OTOGL: variants seen among roughly 807,000 people sequenced by gnomAD.
OTOGL encodes the protein otogelin like, also known as otogelin-like protein.
In OTOGL, 285 loss-of-function variants were observed where a neutral mutation model predicts 318.5. The ratio of observed to expected loss-of-function variants is 0.89; its 90% CI spans 0.81 to 0.99. The LOEUF is 0.99. Among genes scored for constraint, OTOGL ranks in the 50% least tolerant of loss-of-function variants. The probability of loss-of-function intolerance (pLI) is 0.00; values close to 1 mark genes in which losing one functional copy is unlikely to be tolerated. For missense variants in OTOGL, 2,899 were observed against 2,845.6 expected (o/e 1.02, Z -0.43); for synonymous variants, 987 against 936.5 (o/e 1.05, Z -0.99).
intron 1 of OTOGL, among the ~76,000 whole-genome samples, chr12:80,198,737 A>G (rs1410885372): frequency 6.6e-6 from 1 of 152,206 alleles, no homozygotes; most frequent in Non-Finnish European, 1.5e-5. Context: ...TAGTTGTGCC[A>G]GAAAACATTA....
At chr12:80,322,456 A>G (rs891026107) in intron 34 of OTOGL, among the ~76,000 whole-genome samples, 2 of 152,176 alleles carry the variant, frequency 1.3e-5, no homozygotes, top group Non-Finnish European at 2.9e-5. Context: ...GTAGTCTTGG[A>G]ACCAGTCCTC....
At chr12:80,168,280 A>G (rs1363210895) in intron 1 of OTOGL, among the ~76,000 whole-genome samples, 1 of 152,060 alleles carries the variant, frequency 6.6e-6, no homozygotes, top group Admixed American at 6.6e-5. Context: ...TTCCTCCACT[A>G]CAAAATGCTC....
chr12:80,308,905 G>A (rs925307606), intron 29 of OTOGL, among the ~76,000 whole-genome samples: 115 of 152,202 alleles, frequency 7.6e-4, no homozygotes, highest in African/African-American at 2.6e-3. Context: ...GCAGTGAGCC[G>A]AGATGGCAGC....
At chr12:80,185,371 C>A (rs1294712127) in intron 1 of OTOGL, among the ~76,000 whole-genome samples, 1 of 152,168 alleles carries the variant, frequency 6.6e-6, no homozygotes, top group Non-Finnish European at 1.5e-5. Context: ...CAACCTCTGC[C>A]TCCTGGGTTC....
chr12:80,310,848 T>A (rs1156300684), intron 30 of OTOGL, 121 bp downstream of exon 30: 1 of 691,978 alleles, frequency 1.4e-6, no homozygotes, highest in Non-Finnish European at 2.3e-6. Flanking sequence ...CACCTAACTA[T>A]TGTTAGGGGG....
At position 80,279,098 on chromosome 12, in the gene OTOGL, C is replaced by T. The variant is rs572666403; in HGVS notation, c.2860C>T (p.Arg954Ter). 102 of 1,594,030 alleles carry T rather than the reference C, an allele frequency of 6.4e-5. 1 individual carries two copies. The highest frequency in any genetic ancestry group is 4.0e-4 in the East Asian group (18 of 44,778). ...AGCAGTGTGCACAATATACGGGGACCGACATTATTATTCTTTTGATGGACT... is the reference window on the plus strand; with the variant it reads ...AGCAGTGTGCACAATATACGGGGACTGACATTATTATTCTTTTGATGGACT... Reference protein sequence around the residue: ...CPAVCTIYGDRHYYSFDGLEY... With the variant: ...CPAVCTIYGD The change falls in exon 26 of 59, where the codon CGA (arginine) becomes TGA (stop). Residue 954 changes from arginine (R) to a stop codon, truncating the protein, a stop_gained. Transcript: ENST00000547103. LOFTEE classifies it high-confidence loss of function.
chr12:80,197,150 A>G (rs538409574), intron 1 of OTOGL, among the ~76,000 whole-genome samples: 2 of 152,300 alleles, frequency 1.3e-5, no homozygotes, highest in African/African-American at 4.8e-5. Context: ...AAATCTACCT[A>G]TAACTTGGTA....
chr12:80,108,602 A>G (rs1489183776), intron 1 of OTOGL, among the ~76,000 whole-genome samples: 1 of 151,394 alleles, frequency 6.6e-6, no homozygotes, highest in Non-Finnish European at 1.5e-5. Context: ...TTTTCACCCA[A>G]TGCTTTTAGC....
intron 11 of OTOGL, among the ~76,000 whole-genome samples, chr12:80,244,249 T>C (rs1297031439): frequency 3.3e-5 from 5 of 151,118 alleles, no homozygotes; most frequent in Non-Finnish European, 5.9e-5. Flanking sequence ...ATACATGTGC[T>C]GTGCTGGTGC....
intron 18 of OTOGL, among the ~76,000 whole-genome samples, chr12:80,261,415 T>G (rs1435096406): frequency 5.9e-5 from 9 of 152,168 alleles, no homozygotes. Flanking sequence ...TCATTTGGTT[T>G]GCCCACTTCA....
At chr12:80,202,632 A>G (rs1876541364) in intron 1 of OTOGL, among the ~76,000 whole-genome samples, 2 of 152,050 alleles carry the variant, frequency 1.3e-5, no homozygotes, top group African/African-American at 2.4e-5. Context: ...TTTTGCATGT[A>G]TGCATTCCAA....
At chr12:80,232,354 G>A (rs1422762109) in intron 8 of OTOGL, among the ~76,000 whole-genome samples, 1 of 152,026 alleles carries the variant, frequency 6.6e-6, no homozygotes, top group Non-Finnish European at 1.5e-5. Flanking sequence ...AATGACTTAT[G>A]TCAAGGTGTC....
rs1454025479 is a variant in OTOGL at position 80,232,992 on chromosome 12, A to C, written c.712A>C (p.Ile238Leu). Residue 238 changes from isoleucine (I) to leucine (L), a missense_variant, in exon 9 of 59, where the codon ATA (isoleucine) becomes CTA (leucine). Physicochemically the swap from Ile to Leu is conservative, Grantham distance 5. Around this residue, in one of 3 missense-constraint regions of OTOGL, gnomAD observed 2,607 missense variants for 2,524.9 expected, o/e 1.03. Coordinates refer to ENST00000547103, the MANE Select transcript of OTOGL (RefSeq NM_001378609.3). ...TGGCTTTTCATTGGCTTGGGACGGGATATCTGGGATCTACCTCAAGCTGTC... is the reference window on the plus strand; with the variant it reads ...TGGCTTTTCATTGGCTTGGGACGGGCTATCTGGGATCTACCTCAAGCTGTC... ...TFGFSLAWDG[I>L]SGIYLKLSED... 1 of 1,598,580 alleles carries C rather than the reference A, an allele frequency of 6.3e-7. No individual in the cohort carries two copies. The highest frequency in any genetic ancestry group is 1.3e-5 in the African/African-American group (1 of 74,882).
chr12:80,113,331 T>C lies in OTOGL; in HGVS notation c.-20+13726T>C, dbSNP rs531730447. 5.3e-5 allele frequency among the ~76,000 whole-genome samples: 8 copies of C among 152,332 alleles called. No individual in the cohort carries two copies. In the East Asian group the frequency reaches 1.5e-3, roughly 29 times the overall value. On this transcript the variant is annotated intron_variant, in intron 1 of 58. Coordinates refer to ENST00000547103, the MANE Select transcript of OTOGL (RefSeq NM_001378609.3). ...TTTGCTCTTGCTTCTTTAGTTCTTTTAATTATGATGTTAGGGTGTCAATTT... is the reference window on the plus strand; with the variant it reads ...TTTGCTCTTGCTTCTTTAGTTCTTTCAATTATGATGTTAGGGTGTCAATTT...
At chr12:80,123,686 C>T (rs10862057) in intron 1 of OTOGL, among the ~76,000 whole-genome samples, 75,559 of 150,860 alleles carry the variant, frequency 0.5, 19,330 homozygotes, top group Middle Eastern at 0.58. Flanking sequence ...TCTCCACATC[C>T]TCTCCAGCAC....
intron 9 of OTOGL, among the ~76,000 whole-genome samples, chr12:80,233,519 A>C (rs1452959661): frequency 6.6e-6 from 1 of 152,224 alleles, no homozygotes; most frequent in Non-Finnish European, 1.5e-5. Context: ...CCTTCTTGAT[A>C]GGAATAAGTT....
intron 1 of OTOGL, chr12:80,189,595 T>G: frequency 1.9e-6 from 1 of 526,482 alleles, no homozygotes; most frequent in African/African-American, 2.1e-5. Context: ...AGAGATAGAT[T>G]GCAAAACTCA....
chr12:80,333,941 G>C (rs1456077937), intron 38 of OTOGL, among the ~76,000 whole-genome samples: 1 of 152,154 alleles, frequency 6.6e-6, no homozygotes, highest in East Asian at 1.9e-4. Flanking sequence ...GAATAAAATA[G>C]TAGACAATAA....
At chr12:80,309,608 A>C (rs1886494228) in intron 29 of OTOGL, among the ~76,000 whole-genome samples, 1 of 152,250 alleles carries the variant, frequency 6.6e-6, no homozygotes, top group Non-Finnish European at 1.5e-5. Context: ...AGAAATATTA[A>C]GTCAGTAGAG....
Sources: allele counts gnomAD v4.1 joint callset (sites outside exome capture counted in the v4.1 genomes callset), GRCh38; gene constraint gnomAD v4.1.1; regional missense constraint gnomAD v4.1.1; transcripts MANE v1.5; gene names NCBI Gene and HGNC (gene_info 2026-07-23, HGNC 2026-07-21).